The following LRRC74A variants were observed in gnomAD, a reference collection of about 807,000 sequenced individuals.
The protein encoded by LRRC74A is leucine-rich repeat-containing protein 74A.
A neutral mutation model predicts 57.9 loss-of-function variants in LRRC74A; 44 were observed. The observed-to-expected ratio is 0.76, with a 90% CI of 0.60 to 0.98. The LOEUF (loss-of-function observed/expected upper bound fraction) is 0.98, where lower values mean the gene tolerates loss of function less well. Ranked by LOEUF, LRRC74A falls within the 50% of genes least tolerant of loss-of-function variation. The pLI, the probability that LRRC74A is intolerant of heterozygous loss-of-function variation, is 0.00. For synonymous variants in LRRC74A, 211 were observed against 219.4 expected, an observed-to-expected ratio of 0.96 and a Z score of 0.34; for missense variants, 572 against 574.0, an observed-to-expected ratio of 1.00 and a Z score of 0.04.
chr14:76,852,155 A>G lies in LRRC74A; in HGVS notation c.677-210A>G, dbSNP rs58585827. 4.6e-3 allele frequency among the ~76,000 whole-genome samples: 701 copies of G among 152,326 alleles called. 6 individuals are homozygous for G. The highest frequency in any genetic ancestry group is 0.016 in the African/African-American group (673 of 41,570). ...ATTTCCTTCCCACCTAAACTATGTA[A>G]GGAGGATTATTTCACCACATCTTTG... On this transcript the variant is annotated intron_variant, in intron 7 of 13. Transcript: ENST00000689127.
chr14:76,855,397 G>A (rs185805324), intron 9 of LRRC74A, among the ~76,000 whole-genome samples: 1 of 152,310 alleles, frequency 6.6e-6, no homozygotes, highest in Admixed American at 6.5e-5. Flanking sequence ...AGAGGTCTTT[G>A]CTGTTTTGTG....
chr14:76,855,485 T>C (rs1386432797), intron 9 of LRRC74A, among the ~76,000 whole-genome samples: 3 of 152,370 alleles, frequency 2.0e-5, no homozygotes, highest in South Asian at 4.1e-4. Context: ...TATATTTCAA[T>C]TTTCTAAAAT....
Position 76,857,406 on chromosome 14 carries a change from TG to T in LRRC74A, c.988del (p.Ala330LeufsTer31), listed in dbSNP as rs1205707572. ...TTTTCCTGAATCCCATAAATATGGA[TG>T]GGGCTATTTTACTTATCCTGGCTAT... is the stretch of plus-strand genomic sequence containing the variant. The part of the protein sequence containing the change: ...KLFLNPINMD[G>X]AILLILAIKR... On this transcript the variant is annotated frameshift_variant, in exon 10 of 14. Coordinates refer to ENST00000689127, the MANE Select transcript of LRRC74A (RefSeq NM_001385106.1). LOFTEE classifies it high-confidence loss of function. 1 of 1,583,544 alleles carries T rather than the reference TG, an allele frequency of 6.3e-7. No individual in the cohort carries two copies. The highest frequency in any genetic ancestry group is 1.8e-5 in the Admixed American group (1 of 55,502).
chr14:76,827,021 ACAC>A (rs1426295936), intron 1 of LRRC74A, among the ~76,000 whole-genome samples: 2 of 152,242 alleles, frequency 1.3e-5, no homozygotes, highest in Non-Finnish European at 2.9e-5. Context: ...GGGAATATTT[ACAC>A]CACATGAATT....
At chr14:76,868,161 T>G (rs1315196235) in intron 13 of LRRC74A, among the ~76,000 whole-genome samples, 3 of 152,140 alleles carry the variant, frequency 2.0e-5, no homozygotes, top group African/African-American at 7.2e-5. Context: ...TCTAGAGAAG[T>G]GCAGCAAAGA....
intron 11 of LRRC74A, 63 bp from the exon 12 acceptor site, chr14:76,865,905 G>A (rs1434306375): frequency 1.6e-5 from 21 of 1,274,364 alleles, no homozygotes; most frequent in Non-Finnish European, 2.2e-5. Context: ...GGGAGGGAAG[G>A]GGGACCTGCG....
chr14:76,867,101 GTGTGTGTTGGGGGGA>G (rs1898924327), intron 12 of LRRC74A, among the ~76,000 whole-genome samples: 1 of 20,276 alleles, frequency 4.9e-5, no homozygotes, highest in East Asian at 1.7e-3. Flanking sequence ...TGTGTGGGGG[GTGTGTGTTGGGGGGA>G]TGGGGTGTGT....
At chr14:76,830,243 G>A (rs918297585) in intron 2 of LRRC74A, among the ~76,000 whole-genome samples, 2 of 152,218 alleles carry the variant, frequency 1.3e-5, no homozygotes, top group African/African-American at 4.8e-5. Context: ...ATTGTTTGGA[G>A]GGGGAGGGGG....
At chr14:76,862,162 T>C (rs950597468) in intron 11 of LRRC74A, among the ~76,000 whole-genome samples, 2 of 152,186 alleles carry the variant, frequency 1.3e-5, no homozygotes, top group African/African-American at 4.8e-5. Context: ...GAGTCCAACA[T>C]AGCCCTTCCC....
At chr14:76,842,622 C>G (rs1896850158) in intron 5 of LRRC74A, among the ~76,000 whole-genome samples, 1 of 152,064 alleles carries the variant, frequency 6.6e-6, no homozygotes, top group East Asian at 1.9e-4. Context: ...GCACTGCTAA[C>G]AGACACAGCC....
At chr14:76,851,862 C>CTACTAA (rs1229657600) in intron 7 of LRRC74A, among the ~76,000 whole-genome samples, 2 of 151,738 alleles carry the variant, frequency 1.3e-5, no homozygotes, top group Non-Finnish European at 2.9e-5. Context: ...GACGCAGTTT[C>CTACTAA]ACCATGTTGG....
At position 76,826,458 on chromosome 14, in the gene LRRC74A, A is replaced by C. The variant is rs749412696; in HGVS notation, c.-240A>C. ...CCCACTCTCCCAGATGAGCTGGAGAAGTAGCTACCTCTCCCAGACAGAGTT... is the reference window on the plus strand; with the variant it reads ...CCCACTCTCCCAGATGAGCTGGAGACGTAGCTACCTCTCCCAGACAGAGTT... On this transcript the variant is annotated 5_prime_UTR_variant, in exon 1 of 14. Coordinates refer to ENST00000689127, the MANE Select transcript of LRRC74A (RefSeq NM_001385106.1). 3.0e-5 allele frequency: 41 copies of C among 1,366,622 alleles called. No individual in the cohort carries two copies. The highest frequency in any genetic ancestry group is 3.9e-5 in the Non-Finnish European group (39 of 989,106). 84.7% of individuals were successfully genotyped at this position (1,366,622 alleles called of 1,614,324 possible). A position where few individuals can be genotyped will look rare whatever the true frequency, so the allele number is the denominator to read the frequency against.
At chr14:76,852,988 C>G (rs748776848) in intron 8 of LRRC74A, among the ~76,000 whole-genome samples, 4 of 152,014 alleles carry the variant, frequency 2.6e-5, no homozygotes, top group Non-Finnish European at 4.4e-5. Context: ...TTCAAGAGGA[C>G]AGTTTAATTA....
At chr14:76,861,509 C>G (rs1898303414) in intron 11 of LRRC74A, among the ~76,000 whole-genome samples, 1 of 152,012 alleles carries the variant, frequency 6.6e-6, no homozygotes, top group South Asian at 2.1e-4. Flanking sequence ...TCAAGACATC[C>G]TTGTGGTCAG....
Position 76,852,441 on chromosome 14 carries a change from T to C in LRRC74A, c.753T>C (p.Asn251=), listed in dbSNP as rs1375040004. ...CAAGGGGAGCTGTGGCCTTGTGCAA[T>C]GGTCTCCGGGTAAGGCACTCTCCAG... ...FHTRGAVALC[N]GLRGNVTLTK... is the part of the protein sequence containing the mutation. Residue 251 remains asparagine, a synonymous_variant, in exon 8 of 14, where the codon AAT becomes AAC. Transcript: ENST00000689127. The C allele has an allele frequency of 2.5e-6, 4 of 1,606,548 alleles. No individual in the cohort carries two copies. In the African/African-American group the frequency reaches 5.4e-5, roughly 22 times the overall value.
At chr14:76,857,165 G>A (rs1187115013) in intron 9 of LRRC74A, among the ~76,000 whole-genome samples, 2 of 150,572 alleles carry the variant, frequency 1.3e-5, no homozygotes, top group Admixed American at 6.6e-5. Flanking sequence ...TAAATGGGTG[G>A]GTAGATGGAT....
intron 10 of LRRC74A, among the ~76,000 whole-genome samples, chr14:76,857,929 T>A (rs1257165268): frequency 6.6e-6 from 1 of 152,210 alleles, no homozygotes; most frequent in East Asian, 1.9e-4. Flanking sequence ...TATTTCTGGG[T>A]GAAAATCTCT....
chr14:76,861,166 C>T (rs888954469), intron 11 of LRRC74A, among the ~76,000 whole-genome samples: 3 of 152,236 alleles, frequency 2.0e-5, no homozygotes, highest in African/African-American at 7.2e-5. Flanking sequence ...CTCTGGGTCA[C>T]AGTCTCTTCA....
At position 76,860,825 on chromosome 14, in the gene LRRC74A, A is replaced by C; in HGVS notation, c.1186A>C (p.Met396Leu). 6.2e-7 allele frequency: 1 copy of C among 1,607,338 alleles called. No homozygotes were observed. Among genetic ancestry groups the C allele is most frequent in the Non-Finnish European group, 8.5e-7 (1 of 1,175,842 alleles). ...KKTIFLLTNP[M>L]KLIQSYADQH... ...AACCATCTTCTTGTTGACAAACCCC[A>C]TGAAACTGATCCAGGTGAGCTCCTG... The change falls in exon 11 of 14, where the codon ATG (methionine) becomes CTG (leucine). Residue 396 changes from methionine to leucine, a missense_variant. Met to Leu is a conservative substitution (Grantham distance 15). Coordinates refer to ENST00000689127, the MANE Select transcript of LRRC74A (RefSeq NM_001385106.1).
Sources: gnomAD v4.1 joint callset for allele counts (sites outside exome capture counted in the v4.1 genomes callset) on GRCh38, gnomAD v4.1.1 for gene constraint, MANE v1.5 for transcripts, NCBI Gene and HGNC (gene_info 2026-07-23, HGNC 2026-07-21) for gene names.